Variants in KERA observed in about 807,000 individuals in gnomAD.
KERA encodes keratan sulfate proteoglycan keratocan.
Under a neutral mutation model 26.4 loss-of-function variants are expected in KERA, and 25 were observed. The ratio of observed to expected loss-of-function variants is 0.95; its 90% CI spans 0.69 to 1.32. KERA has a LOEUF of 1.32. Ranked by LOEUF, KERA falls within the 40% of genes most tolerant of loss-of-function variation. The pLI is 0.00. For missense variants in KERA, 434 were observed against 408.9 expected (o/e 1.06, Z -0.53); for synonymous variants, 167 against 146.1 (o/e 1.14, Z -1.03).
chr12:91,052,213 G>C (rs1878886605), intron 2 of KERA, among the ~76,000 whole-genome samples: 1 of 151,504 alleles, frequency 6.6e-6, no homozygotes, highest in Non-Finnish European at 1.5e-5. Context: ...GTTAGGATGG[G>C]AGTAATTGTG....
At chr12:91,056,977 TTCTCTC>T (rs886485276) in intron 1 of KERA, among the ~76,000 whole-genome samples, 3 of 146,980 alleles carry the variant, frequency 2.0e-5, no homozygotes, top group African/African-American at 7.5e-5. Flanking sequence ...CTCTCTCCCT[TTCTCTC>T]TCTCTCTCTC....
At chr12:91,057,548 T>C (rs1487074676) in intron 1 of KERA, among the ~76,000 whole-genome samples, 196 bp downstream of exon 1, 2 of 151,012 alleles carry the variant, frequency 1.3e-5, no homozygotes, top group Non-Finnish European at 3.0e-5. Context: ...AGTGCAGAAC[T>C]GCTTCTGCAA....
chr12:91,052,607 A>C lies in KERA; in HGVS notation c.887-1089T>G, dbSNP rs572850041. On this transcript the variant is annotated intron_variant, in intron 2 of 2. Transcript: ENST00000266719. The stretch of plus-strand genomic sequence containing the variant: ...TTATAAAATCAGGTTCTCTTTTTTT[A>C]CATACATCCAAGTATCACCTGATCA... Among the ~76,000 whole-genome samples the C allele has an allele frequency of 2.6e-5, 4 of 151,666 alleles. No individual in the cohort carries two copies. In the South Asian group the frequency reaches 8.3e-4, roughly 31 times the overall value.
Position 91,055,427 on chromosome 12 carries a change from C to T in KERA, c.855G>A (p.Gln285=), listed in dbSNP as rs200555945. 16 of 1,610,312 alleles carry T rather than the reference C, an allele frequency of 9.9e-6. No homozygotes were observed. The Admixed American group carries it at 2.7e-4, about 27-fold the overall frequency. Residue 285 remains glutamine, a synonymous_variant, in exon 2 of 3, where the codon CAG becomes CAA. Transcript: ENST00000266719. The part of the protein sequence containing the change: ...TKVPRISAHL[Q]HLHLDHNKIK... ...TTTTGTTATGATCAAGGTGAAGGTG[C>T]TGCAGATGAGCACTGATTCGGGGAA... is the stretch of plus-strand genomic sequence containing the variant.
Position 91,056,159 on chromosome 12 carries a change from C to G in KERA, c.123G>C (p.Glu41Asp). ...DSDDWTIHDF[E>D]CPMECFCPPS... ...GTGGGCAGAAACATTCCATGGGACA[C>G]TCGAAGTCATGAATAGTCCAATCAT... is the stretch of plus-strand genomic sequence containing the variant. Residue 41 changes from glutamate to aspartate, a missense_variant, in exon 2 of 3, where the codon GAG (glutamate) becomes GAC (aspartate). Glu to Asp is a conservative substitution (Grantham distance 45). Transcript: ENST00000266719. 1 of 1,610,512 alleles carries G rather than the reference C, an allele frequency of 6.2e-7. No homozygotes were observed. The highest frequency in any genetic ancestry group is 8.5e-7 in the Non-Finnish European group (1 of 1,177,860).
In KERA at chr12:91,050,746, A is replaced by T. The variant is rs973648397; in HGVS notation, c.*600T>A. The T allele has an allele frequency of 3.9e-5, 6 of 152,496 alleles. No homozygotes were observed. Among genetic ancestry groups the T allele is most frequent in the African/African-American group, 1.4e-4 (6 of 41,386 alleles). The allele number at this position is 152,496 out of a possible 1,614,324, so 9.4% of individuals were successfully genotyped here. ...AAAAACAACAGCTACAAGAAATGGT[A>T]ATGAACTAGAAGTGACTGCTGTTTC... is the stretch of plus-strand genomic sequence containing the variant. On this transcript the variant is annotated 3_prime_UTR_variant, in exon 3 of 3. Coordinates refer to ENST00000266719, the MANE Select transcript of KERA (RefSeq NM_007035.4).
Position 91,055,613 on chromosome 12 carries a change from ATTG to A in KERA, c.666_668del (p.Asn223del). On this transcript the variant is annotated inframe_deletion, in exon 2 of 3. Transcript: ENST00000266719. ...AATTTTCTGGTATTCCTTCAATGGA[ATTG>A]TTGTCTAAAAACAACTGCATTGTAT... is the stretch of plus-strand genomic sequence containing the variant. 6.2e-7 allele frequency: 1 copy of A among 1,611,116 alleles called. No homozygotes were observed. The highest frequency in any genetic ancestry group is 1.1e-5 in the South Asian group (1 of 91,018).
intron 2 of KERA, among the ~76,000 whole-genome samples, chr12:91,054,580 T>C (rs955435430): frequency 3.3e-5 from 5 of 149,424 alleles, no homozygotes; most frequent in Admixed American, 6.7e-5. Context: ...ATCTGCTTTC[T>C]ATAATCACTT....
intron 2 of KERA, among the ~76,000 whole-genome samples, chr12:91,053,865 G>A (rs2120957424): frequency 6.6e-6 from 1 of 151,394 alleles, no homozygotes; most frequent in South Asian, 2.1e-4. Context: ...GTAAGCAAGG[G>A]CTCTATGTGG....
intron 2 of KERA, among the ~76,000 whole-genome samples, chr12:91,054,055 G>C (rs922583066): frequency 4.6e-5 from 7 of 150,674 alleles, no homozygotes; most frequent in Admixed American, 2.7e-4. Context: ...TTTTTCTGTT[G>C]CATCTTTTGT....
chr12:91,051,375 A>G lies in KERA; in HGVS notation c.1030T>C (p.Phe344Leu). The G allele has an allele frequency of 9.9e-6, 16 of 1,611,272 alleles. No homozygotes were observed. Among genetic ancestry groups the G allele is most frequent in the Non-Finnish European group, 1.4e-5 (16 of 1,178,068 alleles). ...ATAATGACAGCCTGCAGAAGTCTGAAGCAGGTCATTAAAGCCATTGGAATT... is the reference window on the plus strand; with the variant it reads ...ATAATGACAGCCTGCAGAAGTCTGAGGCAGGTCATTAAAGCCATTGGAATT... Reference protein sequence around the residue: ...PPIPMALMTCFRLLQAVII With the variant: ...PPIPMALMTCLRLLQAVII The change falls in exon 3 of 3, where the codon TTC becomes CTC. Residue 344 changes from phenylalanine to leucine, a missense_variant. Phe to Leu is a conservative substitution (Grantham distance 22). Coordinates refer to ENST00000266719, the MANE Select transcript of KERA (RefSeq NM_007035.4).
intron 2 of KERA, among the ~76,000 whole-genome samples, chr12:91,053,344 G>A (rs1878911747): frequency 6.6e-6 from 1 of 151,270 alleles, no homozygotes; most frequent in African/African-American, 2.4e-5. Context: ...ATGAAGGAAA[G>A]TATTGTTATT....
In KERA at chr12:91,056,172, A is replaced by G. The variant is rs377616201; in HGVS notation, c.110T>C (p.Ile37Thr). ...YEVHDSDDWT[I>T]HDFECPMECF... is the part of the protein sequence containing the mutation. ...TTCCATGGGACACTCGAAGTCATGA[A>G]TAGTCCAATCATCTGAATCATGTAC... The change falls in exon 2 of 3, where the codon ATT (isoleucine) becomes ACT (threonine). Residue 37 changes from isoleucine to threonine, a missense_variant. Coordinates refer to ENST00000266719, the MANE Select transcript of KERA (RefSeq NM_007035.4). 83 of 1,610,478 alleles carry G rather than the reference A, an allele frequency of 5.2e-5. No homozygotes were observed. The highest frequency in any genetic ancestry group is 3.3e-4 in the Middle Eastern group (2 of 6,042).
chr12:91,055,623 A>G lies in KERA; in HGVS notation c.659T>C (p.Leu220Ser). Residue 220 changes from leucine to serine, a missense_variant, in exon 2 of 3, where the codon TTA (leucine) becomes TCA (serine). Transcript: ENST00000266719. ...TATTCCTTCAATGGAATTGTTGTCT[A>G]AAAACAACTGCATTGTATTGGCTGG... ...RLPANTMQLF[L>S]DNNSIEGIPE... The G allele has an allele frequency of 6.2e-7, 1 of 1,611,238 alleles. No individual in the cohort carries two copies. Among genetic ancestry groups the G allele is most frequent in the Non-Finnish European group, 8.5e-7 (1 of 1,178,114 alleles).
At position 91,055,611 on chromosome 12, in the gene KERA, G is replaced by A; in HGVS notation, c.671C>T (p.Ser224Phe). The A allele has an allele frequency of 6.2e-7, 1 of 1,611,026 alleles. No homozygotes were observed. Among genetic ancestry groups the A allele is most frequent in the Non-Finnish European group, 8.5e-7 (1 of 1,178,022 alleles). ...ATAATTTTCTGGTATTCCTTCAATG[G>A]AATTGTTGTCTAAAAACAACTGCAT... The part of the protein sequence containing the change: ...NTMQLFLDNN[S>F]IEGIPENYFN... The change falls in exon 2 of 3, where the codon TCC becomes TTC. Residue 224 changes from serine to phenylalanine, a missense_variant. Transcript: ENST00000266719.
chr12:91,051,632 A>G (rs1878870837), intron 2 of KERA, 114 bp from the exon 3 acceptor site: 1 of 747,716 alleles, frequency 1.3e-6, no homozygotes, highest in African/African-American at 1.7e-5. Flanking sequence ...CTAATATATG[A>G]AAATAGTGGT....
rs1878980293 is a variant in KERA at position 91,055,653 on chromosome 12, C to A, written c.629G>T (p.Arg210Ile). ...AKNALRNMPP[R>I]LPANTMQLFL... ...CAACTGCATTGTATTGGCTGGTAAT[C>A]TTGGAGGCATATTCCTCAGGGCATT... The change falls in exon 2 of 3, where the codon AGA (arginine) becomes ATA (isoleucine). Residue 210 changes from arginine to isoleucine, a missense_variant. Arg to Ile is a moderately conservative substitution (Grantham distance 97). Coordinates refer to ENST00000266719, the MANE Select transcript of KERA (RefSeq NM_007035.4). 1 of 1,611,240 alleles carries A rather than the reference C, an allele frequency of 6.2e-7. No homozygotes were observed. Among genetic ancestry groups the A allele is most frequent in the Non-Finnish European group, 8.5e-7 (1 of 1,178,184 alleles).
Position 91,051,514 on chromosome 12 carries a change from C to A in KERA, c.891G>T (p.Val297=), listed in dbSNP as rs924059136. Residue 297 remains valine, a synonymous_variant, in exon 3 of 3, where the codon GTG becomes GTT. Coordinates refer to ENST00000266719, the MANE Select transcript of KERA (RefSeq NM_007035.4). ...LHLDHNKIKS[V]NVSVICPSPS... ...GGCTGGGACATATTACAGAGACATT[C>A]ACACCTACAGTGACAAAGAGAATAG... is the stretch of plus-strand genomic sequence containing the variant. 7 of 1,606,264 alleles carry A rather than the reference C, an allele frequency of 4.4e-6. No individual in the cohort carries two copies. Among genetic ancestry groups the A allele is most frequent in the Non-Finnish European group, 5.1e-6 (6 of 1,173,846 alleles).
At position 91,056,138 on chromosome 12, in the gene KERA, G is replaced by A; in HGVS notation, c.144C>T (p.Cys48=). The A allele has an allele frequency of 6.2e-7, 1 of 1,610,346 alleles. No individual in the cohort carries two copies. Residue 48 remains cysteine (C), a synonymous_variant, in exon 2 of 3, where the codon TGC becomes TGT. Transcript: ENST00000266719. ...ATAAAGCAGTAGGAAAACTGGGTGG[G>A]CAGAAACATTCCATGGGACACTCGA... ...HDFECPMECF[C]PPSFPTALYC...
Sources: gnomAD v4.1 joint callset for allele counts (sites outside exome capture counted in the v4.1 genomes callset) on GRCh38, gnomAD v4.1.1 for gene constraint, MANE v1.5 for transcripts, NCBI Gene and HGNC (gene_info 2026-07-23, HGNC 2026-07-21) for gene names.